Variants in IYD observed in about 807,000 individuals in gnomAD.
The protein encoded by IYD is iodotyrosine deiodinase.
In IYD, 25 loss-of-function variants were observed where a neutral mutation model predicts 28.4. That is an observed-to-expected ratio of 0.88 (90% CI 0.64 to 1.23). IYD has a LOEUF of 1.23. Ranked by LOEUF, IYD falls within the 50% of genes most tolerant of loss-of-function variation. The probability of loss-of-function intolerance (pLI) is 0.00; values close to 1 mark genes in which losing one functional copy is unlikely to be tolerated. For missense variants in IYD, 352 were observed against 357.9 expected (o/e 0.98, Z 0.13); for synonymous variants, 140 against 130.8 (o/e 1.07, Z -0.48).
At position 150,370,048 on chromosome 6, in the gene IYD, A is replaced by C. The variant is rs1477251126; in HGVS notation, c.178+839A>C. The C allele has an allele frequency of 8.5e-6, 6 of 702,190 alleles. No individual in the cohort carries two copies. In the Admixed American group the frequency reaches 1.2e-4, roughly 14 times the overall value. The allele number at this position is 702,190 out of a possible 1,614,324, so 43.5% of individuals were successfully genotyped here. On this transcript the variant is annotated intron_variant, in intron 1 of 4. Transcript: ENST00000344419. The stretch of plus-strand genomic sequence containing the variant: ...AGAGAGCGTGGAGGAAGCTTGAGCC[A>C]TCTGTGTTTGAGAAGCTTTGTCTGG...
intron 4 of IYD, 64 bp downstream of exon 4, chr6:150,394,319 T>C: frequency 1.9e-6 from 3 of 1,581,922 alleles, no homozygotes; most frequent in Non-Finnish European, 2.6e-6. Context: ...AGTTTTCAAT[T>C]CAGGGACATT....
chr6:150,370,320 C>T (rs634686), intron 1 of IYD, among the ~76,000 whole-genome samples: 61,383 of 149,630 alleles, frequency 0.41, 14,177 homozygotes, highest in Non-Finnish European at 0.54. Flanking sequence ...TGTGTGTGCA[C>T]GAGTGGGTGA....
intron 4 of IYD, chr6:150,396,205 T>C: frequency 3.0e-6 from 1 of 329,266 alleles, no homozygotes; most frequent in Non-Finnish European, 5.4e-6. Context: ...GTTTGCTGCC[T>C]ACATTTATAA....
At chr6:150,372,024 G>A (rs1777259153) in intron 1 of IYD, among the ~76,000 whole-genome samples, 1 of 152,180 alleles carries the variant, frequency 6.6e-6, no homozygotes, top group Non-Finnish European at 1.5e-5. Flanking sequence ...AACTGGAGAA[G>A]AGAACGGACT....
intron 1 of IYD, among the ~76,000 whole-genome samples, chr6:150,375,484 T>G (rs652210): frequency 0.71 from 108,643 of 152,112 alleles, 40,114 homozygotes; most frequent in Middle Eastern, 0.83. Context: ...TCGTGATGGA[T>G]AGATCCTATC....
At chr6:150,383,464 T>C (rs1777728050) in intron 1 of IYD, among the ~76,000 whole-genome samples, 3 of 152,210 alleles carry the variant, frequency 2.0e-5, no homozygotes, top group Admixed American at 2.0e-4. Context: ...TTTCCTACAA[T>C]AACAGATGAG....
Position 150,369,017 on chromosome 6 carries a change from G to T in IYD, c.-15G>T, listed in dbSNP as rs757873268. On this transcript the variant is annotated 5_prime_UTR_variant, in exon 1 of 5. Coordinates refer to ENST00000344419, the MANE Select transcript of IYD (RefSeq NM_203395.3). ...TGTGGGAAGTGTGCACGCCTGTGAC[G>T]TCAGACTCCAGACCATGTATTTCCT... The T allele has an allele frequency of 9.3e-6, 15 of 1,613,578 alleles. No individual in the cohort carries two copies. The highest frequency in any genetic ancestry group is 2.2e-5 in the East Asian group (1 of 44,870).
At chr6:150,375,878 G>T (rs946538281) in intron 1 of IYD, among the ~76,000 whole-genome samples, 6 of 152,192 alleles carry the variant, frequency 3.9e-5, no homozygotes, top group Admixed American at 3.3e-4. Flanking sequence ...GAACAAGGAT[G>T]ATGTGACACA....
At chr6:150,395,803 C>A in intron 4 of IYD, 1 of 621,140 alleles carries the variant, frequency 1.6e-6, no homozygotes, top group Non-Finnish European at 2.9e-6. Flanking sequence ...ATTGGAAAAG[C>A]TGGAGAGGGG....
intron 1 of IYD, among the ~76,000 whole-genome samples, chr6:150,377,979 G>A (rs574875312): frequency 1.3e-5 from 2 of 152,162 alleles, no homozygotes; most frequent in Non-Finnish European, 1.5e-5. Context: ...CTTCTAAATA[G>A]GCCCAAACTG....
At chr6:150,389,628 C>G in intron 2 of IYD, 85 bp downstream of exon 2, 1 of 1,208,800 alleles carries the variant, frequency 8.3e-7, no homozygotes. Context: ...AAAGTTTAAA[C>G]ATAGCGAATA....
At chr6:150,371,900 A>G (rs548589085) in intron 1 of IYD, among the ~76,000 whole-genome samples, 12 of 152,278 alleles carry the variant, frequency 7.9e-5, no homozygotes, top group Admixed American at 2.0e-4. Flanking sequence ...GTGAGAACCA[A>G]TGCTTAAACT....
chr6:150,376,117 A>T (rs753685164), intron 1 of IYD, among the ~76,000 whole-genome samples: 3 of 152,162 alleles, frequency 2.0e-5, no homozygotes, highest in Non-Finnish European at 4.4e-5. Context: ...CAAGGGACTG[A>T]TTGCTAGAAA....
chr6:150,379,473 C>A (rs1167592139), intron 1 of IYD, among the ~76,000 whole-genome samples: 1 of 152,176 alleles, frequency 6.6e-6, no homozygotes, highest in Non-Finnish European at 1.5e-5. Flanking sequence ...TTTGTGTCCT[C>A]CCTCTTTGTA....
chr6:150,388,627 TTTGCTTTC>T lies in IYD; in HGVS notation c.179-722_179-715del, dbSNP rs1300083830. 3.8e-3 allele frequency among the ~76,000 whole-genome samples: 495 copies of T among 129,056 alleles called. 4 individuals carry two copies. Among genetic ancestry groups the T allele is most frequent in the Admixed American group, 5.9e-3 (71 of 12,126 alleles). 84.7% of individuals were successfully genotyped at this position (129,056 alleles called of 152,430 possible). ...TTTTCTAGATTTATAGTCTGGAGTT[TTTGCTTTC>T]TTTCTTTCTTTCTTTCTTTCTTTCT... On this transcript the variant is annotated intron_variant, in intron 1 of 4. Coordinates refer to ENST00000344419, the MANE Select transcript of IYD (RefSeq NM_203395.3).
chr6:150,383,855 C>CA (rs963278418), intron 1 of IYD, among the ~76,000 whole-genome samples: 5 of 148,460 alleles, frequency 3.4e-5, no homozygotes, highest in African/African-American at 5.0e-5. Flanking sequence ...AACCTCCTCC[C>CA]AAAAAAAACC....
intron 1 of IYD, 124 bp from the exon 2 acceptor site, chr6:150,389,221 TTTTTTCA>T (rs1465867869): frequency 1.4e-6 from 1 of 690,484 alleles, no homozygotes; most frequent in Non-Finnish European, 2.5e-6. Context: ...AAATCTATTC[TTTTTTCA>T]TTTTATAGTA....
At chr6:150,374,089 GT>G (rs1470875419) in intron 1 of IYD, among the ~76,000 whole-genome samples, 2 of 152,202 alleles carry the variant, frequency 1.3e-5, no homozygotes, top group Non-Finnish European at 2.9e-5. Flanking sequence ...GACAAATCCT[GT>G]CTTCACTCCA....
chr6:150,371,243 T>C (rs1029250350), intron 1 of IYD, among the ~76,000 whole-genome samples: 6 of 152,222 alleles, frequency 3.9e-5, no homozygotes, highest in Non-Finnish European at 8.8e-5. Flanking sequence ...TCATTTCATC[T>C]TCATGACAGT....
Sources: allele counts gnomAD v4.1 joint callset (sites outside exome capture counted in the v4.1 genomes callset), GRCh38; gene constraint gnomAD v4.1.1; transcripts MANE v1.5; gene names NCBI Gene and HGNC (gene_info 2026-07-23, HGNC 2026-07-21).